The following PAPSS2 variants were observed in gnomAD, a reference collection of about 807,000 sequenced individuals.
The protein encoded by PAPSS2 is 3'-phosphoadenosine 5'-phosphosulfate synthase 2.
In PAPSS2, 61 loss-of-function variants were observed where a neutral mutation model predicts 66.5. The observed-to-expected ratio is 0.92, with a 90% CI of 0.75 to 1.14. The LOEUF (loss-of-function observed/expected upper bound fraction) is 1.14, where lower values mean the gene tolerates loss of function less well. Ranked by LOEUF, PAPSS2 falls within the 50% of genes most tolerant of loss-of-function variation. The pLI, the probability that PAPSS2 is intolerant of heterozygous loss-of-function variation, is 0.00. For synonymous variants in PAPSS2, 289 were observed against 287.5 expected (o/e 1.01, Z -0.05); for missense variants, 708 against 789.6 (o/e 0.90, Z 1.24).
intron 10 of PAPSS2, among the ~76,000 whole-genome samples, chr10:87,743,155 A>G (rs537846533): frequency 2.2e-4 from 33 of 151,490 alleles, no homozygotes; most frequent in Admixed American, 1.1e-3. Context: ...CTGAGGCAGG[A>G]GAATCGCTTG....
At chr10:87,743,289 A>G (rs1853893218) in intron 10 of PAPSS2, 84 bp from the exon 11 acceptor site, 1 of 1,426,002 alleles carries the variant, frequency 7.0e-7, no homozygotes, top group Non-Finnish European at 9.9e-7. Flanking sequence ...CAGAACAATA[A>G]ACATAGCTGT....
chr10:87,708,530 C>T (rs1455667735), intron 1 of PAPSS2, among the ~76,000 whole-genome samples: 1 of 152,128 alleles, frequency 6.6e-6, no homozygotes, highest in Non-Finnish European at 1.5e-5. Flanking sequence ...AGTATTTCCT[C>T]AGCTACTGGA....
Position 87,743,628 on chromosome 10 carries a change from C to G in PAPSS2, c.1478C>G (p.Ala493Gly). ...VAIFPSPMLY[A>G]GPTEVQWHCR... ...ATCTTTCCGTCTCCCATGTTATATG[C>G]TGGCCCCACAGAGGTGAGCAATTCC... The change falls in exon 11 of 13, where the codon GCT (alanine) becomes GGT (glycine). Residue 493 changes from alanine to glycine, a missense_variant. Coordinates refer to ENST00000456849, the MANE Select transcript of PAPSS2 (RefSeq NM_001015880.2). 1 of 1,614,186 alleles carries G rather than the reference C, an allele frequency of 6.2e-7. No homozygotes were observed.
intron 1 of PAPSS2, among the ~76,000 whole-genome samples, chr10:87,699,965 C>A (rs905352097): frequency 2.6e-5 from 4 of 151,918 alleles, no homozygotes; most frequent in South Asian, 4.2e-4. Context: ...AATGACCTAA[C>A]CTTCAAGATG....
intron 9 of PAPSS2, among the ~76,000 whole-genome samples, chr10:87,729,415 G>C (rs572685958): frequency 2.6e-5 from 4 of 152,110 alleles, no homozygotes; most frequent in East Asian, 3.9e-4. Context: ...TACGGTTAGT[G>C]ATCTTTGATG....
intron 1 of PAPSS2, among the ~76,000 whole-genome samples, chr10:87,669,641 T>C (rs1027396128): frequency 6.6e-6 from 1 of 152,266 alleles, no homozygotes; most frequent in Non-Finnish European, 1.5e-5. Flanking sequence ...TTTTAGAGCA[T>C]GTGTTGTTAG....
At position 87,747,023 on chromosome 10, in the gene PAPSS2, C is replaced by T. The variant is rs1853949958; in HGVS notation, c.*1053C>T. ...GTGAAGAAGCACCCAGGCCACTTGA[C>T]TCCCAGTCTGGTGCCCTGTCTACAC... is the stretch of plus-strand genomic sequence containing the variant. On this transcript the variant is annotated 3_prime_UTR_variant, in exon 13 of 13. Coordinates refer to ENST00000456849, the MANE Select transcript of PAPSS2 (RefSeq NM_001015880.2). The T allele has an allele frequency of 6.6e-6, 1 of 152,182 alleles. No individual in the cohort carries two copies. The highest frequency in any genetic ancestry group is 1.9e-4 in the East Asian group (1 of 5,196). 9.4% of individuals were successfully genotyped at this position (152,182 alleles called of 1,614,324 possible).
Position 87,701,364 on chromosome 10 carries a change from CTTT to C in PAPSS2, c.28-7831_28-7829del, listed in dbSNP as rs1178774876. Among the ~76,000 whole-genome samples the C allele has an allele frequency of 1.2e-3, 121 of 99,702 alleles. 1 individual carries two copies. The highest frequency in any genetic ancestry group is 3.4e-3 in the Admixed American group (27 of 7,970). The allele number at this position is 99,702 out of a possible 152,430, so 65.4% of individuals were successfully genotyped here. ...TCTTTCTTTCTTTCTTTCTTTCTTT[CTTT>C]CTTTCTTTCTTTCTTTCTTTCTTTC... On this transcript the variant is annotated intron_variant, in intron 1 of 12. Coordinates refer to ENST00000456849, the MANE Select transcript of PAPSS2 (RefSeq NM_001015880.2).
In PAPSS2 at chr10:87,709,217, A is replaced by G. The variant is rs370332296; in HGVS notation, c.49A>G (p.Asn17Asp). 15 of 1,612,736 alleles carry G rather than the reference A, an allele frequency of 9.3e-6. No homozygotes were observed. In the African/African-American group the frequency reaches 1.7e-4, roughly 19 times the overall value. ...QKTENQQKSTNVVYQAHHVSR... is the reference protein window; with the variant it reads ...QKTENQQKSTDVVYQAHHVSR... ...ATAGGAGAACCAGCAGAAATCCACC[A>G]ATGTAGTCTATCAGGCCCACCATGT... The change falls in exon 2 of 13, where the codon AAT (asparagine) becomes GAT (aspartate). Residue 17 changes from asparagine (N) to aspartate (D), a missense_variant. Asn to Asp is a conservative substitution (Grantham distance 23). Transcript: ENST00000456849.
rs35200270 is a variant in PAPSS2, at chr10:87,668,446, T to G, written c.27+8438T>G. On this transcript the variant is annotated intron_variant, in intron 1 of 12. Transcript: ENST00000456849. ...TATAGTTTTTAGTCTATTCACTGTC[T>G]TTAAGTCTATTCTAAACACAGCATT... 5.6e-3 allele frequency among the ~76,000 whole-genome samples: 857 copies of G among 152,336 alleles called. 4 individuals are homozygous for G. Among genetic ancestry groups the G allele is most frequent in the Non-Finnish European group, 0.01 (708 of 68,032 alleles).
chr10:87,702,433 G>A (rs1018347267), intron 1 of PAPSS2, among the ~76,000 whole-genome samples: 4 of 152,206 alleles, frequency 2.6e-5, no homozygotes, highest in East Asian at 1.9e-4. Flanking sequence ...GATAATGCAC[G>A]TGGAAGTGGA....
At chr10:87,672,849 G>A (rs1417642524) in intron 1 of PAPSS2, among the ~76,000 whole-genome samples, 1 of 152,158 alleles carries the variant, frequency 6.6e-6, no homozygotes, top group African/African-American at 2.4e-5. Flanking sequence ...AAAGACTGAT[G>A]GGGAGAAGTG....
intron 9 of PAPSS2, among the ~76,000 whole-genome samples, chr10:87,737,888 A>G (rs1367204491): frequency 6.6e-6 from 1 of 152,286 alleles, no homozygotes; most frequent in East Asian, 1.9e-4. Flanking sequence ...AGCCCGTGGT[A>G]ACTACCATTG....
intron 1 of PAPSS2, among the ~76,000 whole-genome samples, chr10:87,660,746 A>C (rs1258479624): frequency 1.3e-5 from 2 of 150,454 alleles, no homozygotes; most frequent in East Asian, 2.0e-4. Context: ...GGCACCTATA[A>C]ATTTTGCATT....
chr10:87,740,018 A>T (rs905740579), intron 9 of PAPSS2, among the ~76,000 whole-genome samples: 1 of 152,234 alleles, frequency 6.6e-6, no homozygotes, highest in African/African-American at 2.4e-5. Context: ...AAGCAATACT[A>T]GCCACTATTT....
intron 7 of PAPSS2, among the ~76,000 whole-genome samples, chr10:87,720,001 T>C (rs571146866): frequency 1.3e-5 from 2 of 152,236 alleles, no homozygotes; most frequent in East Asian, 3.9e-4. Flanking sequence ...TTCTTCTGCC[T>C]CAGCCTACCA....
Position 87,685,868 on chromosome 10 carries a change from C to T in PAPSS2, c.28-23328C>T, listed in dbSNP as rs187612247. Among the ~76,000 whole-genome samples the T allele has an allele frequency of 4.5e-3, 692 of 152,222 alleles. 4 individuals carry two copies. The highest frequency in any genetic ancestry group is 0.027 in the Middle Eastern group (8 of 292). ...AATAGGAGGGTACAAATAGGGTCACCTACTCTCAAATTCTGCGGTTCAAAT... is the reference window on the plus strand; with the variant it reads ...AATAGGAGGGTACAAATAGGGTCACTTACTCTCAAATTCTGCGGTTCAAAT... On this transcript the variant is annotated intron_variant, in intron 1 of 12. Transcript: ENST00000456849.
intron 1 of PAPSS2, among the ~76,000 whole-genome samples, chr10:87,689,951 G>A (rs1239943823): frequency 1.3e-5 from 2 of 152,182 alleles, no homozygotes; most frequent in Admixed American, 1.3e-4. Flanking sequence ...GATATACTCT[G>A]TGGCAATGCT....
chr10:87,663,210 C>T (rs1443686876), intron 1 of PAPSS2, among the ~76,000 whole-genome samples: 5 of 146,364 alleles, frequency 3.4e-5, no homozygotes, highest in African/African-American at 1.0e-4. Flanking sequence ...CTCCCGAGTT[C>T]AAGCAATTCT....
Sources: gnomAD v4.1 joint callset for allele counts (sites outside exome capture counted in the v4.1 genomes callset) on GRCh38, gnomAD v4.1.1 for gene constraint, MANE v1.5 for transcripts, NCBI Gene and HGNC (gene_info 2026-07-23, HGNC 2026-07-21) for gene names.